Variants in ADGRL2 observed in about 807,000 individuals in gnomAD.
The protein encoded by ADGRL2 is adhesion G protein-coupled receptor L2.
A neutral mutation model predicts 157.4 loss-of-function variants in ADGRL2; 44 were observed. The observed-to-expected ratio is 0.28, with a 90% CI of 0.22 to 0.36. ADGRL2 has a LOEUF of 0.36. Among genes scored for constraint, ADGRL2 ranks in the 10% least tolerant of loss-of-function variants. The pLI is 1.00. For missense variants in ADGRL2, 1,510 were observed against 1,768.9 expected, an observed-to-expected ratio of 0.85 and a Z score of 2.63; for synonymous variants, 585 against 624.7, an observed-to-expected ratio of 0.94 and a Z score of 0.95.
intron 5 of ADGRL2, 63 bp downstream of exon 5, chr1:81,942,108 C>G: frequency 1.5e-6 from 1 of 663,436 alleles, no homozygotes; most frequent in South Asian, 1.8e-5. Context: ...TTAACCTCCT[C>G]CCTCCCCTCT....
intron 1 of ADGRL2, among the ~76,000 whole-genome samples, chr1:81,419,234 T>C (rs4650546): frequency 0.86 from 130,934 of 152,206 alleles, 56,790 homozygotes; most frequent in Admixed American, 0.92. Context: ...GACGGAGTCT[T>C]GCTCTGTCAC....
At chr1:81,721,950 T>C (rs1333678404) in intron 1 of ADGRL2, 4 of 635,804 alleles carry the variant, frequency 6.3e-6, no homozygotes, top group Non-Finnish European at 1.2e-5. Flanking sequence ...TGATAATGAA[T>C]GGGTGATTGA....
chr1:81,712,755 ATTTTT>A (rs60265943), intron 1 of ADGRL2, among the ~76,000 whole-genome samples: 1 of 100,244 alleles, frequency 1.0e-5, no homozygotes, highest in Non-Finnish European at 1.9e-5. Flanking sequence ...TGGATCGCGG[ATTTTT>A]TTTTTTTTTT....
intron 1 of ADGRL2, among the ~76,000 whole-genome samples, chr1:81,393,551 C>T (rs1570827845): frequency 6.6e-6 from 1 of 152,134 alleles, no homozygotes; most frequent in Non-Finnish European, 1.5e-5. Context: ...AACTTCCTCT[C>T]CCTTTTTAAT....
chr1:81,862,027 C>T (rs1286331859), intron 2 of ADGRL2, among the ~76,000 whole-genome samples: 2 of 151,816 alleles, frequency 1.3e-5, no homozygotes, highest in Non-Finnish European at 2.9e-5. Flanking sequence ...AGAATGCGGC[C>T]GAAGATACTT....
At position 81,432,381 on chromosome 1, in the gene ADGRL2, T is replaced by C. The variant is rs535421924; in HGVS notation, c.-301-12655T>C. Among the ~76,000 whole-genome samples the C allele has an allele frequency of 2.0e-5, 3 of 152,320 alleles. No homozygotes were observed. The East Asian group carries it at 5.8e-4, about 29-fold the overall frequency. On this transcript the variant is annotated intron_variant, in intron 1 of 24. Coordinates refer to the ADGRL2 transcript ENST00000370721. ...GATGTTTTCTTCTTGGAGTTGGATG[T>C]TGTCAAGGATTCAGATGAGCCACCC...
At chr1:81,853,584 A>C (rs1437224411) in intron 2 of ADGRL2, among the ~76,000 whole-genome samples, 1 of 152,174 alleles carries the variant, frequency 6.6e-6, no homozygotes, top group Non-Finnish European at 1.5e-5. Context: ...AATCTCTTTA[A>C]AAACTTTATG....
chr1:81,648,438 T>C (rs865889557), intron 3 of ADGRL2, among the ~76,000 whole-genome samples: 1 of 152,190 alleles, frequency 6.6e-6, no homozygotes, highest in Non-Finnish European at 1.5e-5. Flanking sequence ...CACCACTGAG[T>C]GCATTGACAT....
chr1:81,355,682 T>A (rs2100866123), intron 1 of ADGRL2, among the ~76,000 whole-genome samples: 2 of 152,262 alleles, frequency 1.3e-5, no homozygotes, highest in South Asian at 4.1e-4. Context: ...TGCAGAACCC[T>A]GCATGGGAAG....
intron 2 of ADGRL2, among the ~76,000 whole-genome samples, chr1:81,474,263 G>A (rs1056776845): frequency 1.3e-5 from 2 of 152,188 alleles, no homozygotes; most frequent in African/African-American, 4.8e-5. Flanking sequence ...GAATCATTAT[G>A]TTTATTGTCT....
chr1:81,425,189 T>G (rs1036027016), intron 1 of ADGRL2, among the ~76,000 whole-genome samples: 3 of 152,228 alleles, frequency 2.0e-5, no homozygotes, highest in Admixed American at 6.5e-5. Flanking sequence ...TCATTTATTT[T>G]AATCATTATT....
intron 2 of ADGRL2, among the ~76,000 whole-genome samples, chr1:81,526,729 T>C (rs1227927113): frequency 6.6e-6 from 1 of 152,248 alleles, no homozygotes. Flanking sequence ...TATGCCTACC[T>C]TGCTATTACC....
chr1:81,461,503 T>C (rs570029649), intron 2 of ADGRL2, among the ~76,000 whole-genome samples: 7 of 152,316 alleles, frequency 4.6e-5, no homozygotes, highest in African/African-American at 1.4e-4. Context: ...AACTTTTACA[T>C]AGTGTTAACT....
intron 2 of ADGRL2, among the ~76,000 whole-genome samples, chr1:81,790,507 T>A (rs2087283332): frequency 6.6e-6 from 1 of 152,240 alleles, no homozygotes. Flanking sequence ...AATTTATTGT[T>A]ATGTAAATTT....
At chr1:81,881,633 A>C (rs1040064265) in intron 2 of ADGRL2, among the ~76,000 whole-genome samples, 8 of 152,020 alleles carry the variant, frequency 5.3e-5, no homozygotes, top group African/African-American at 1.9e-4. Flanking sequence ...GTAAGCTGAG[A>C]TCTCCCTTCC....
chr1:81,638,820 T>C (rs1283816485), intron 3 of ADGRL2, among the ~76,000 whole-genome samples: 2 of 152,040 alleles, frequency 1.3e-5, no homozygotes, highest in African/African-American at 2.4e-5. Context: ...CCTGAGCACA[T>C]AGCGAAACTC....
chr1:81,949,316 G>A (rs924410071), intron 6 of ADGRL2, among the ~76,000 whole-genome samples: 4 of 152,158 alleles, frequency 2.6e-5, no homozygotes, highest in African/African-American at 9.7e-5. Flanking sequence ...GAAACATTGA[G>A]CTCCACTATT....
chr1:81,366,522 C>A (rs184241139), intron 1 of ADGRL2, among the ~76,000 whole-genome samples: 2 of 152,188 alleles, frequency 1.3e-5, no homozygotes, highest in Admixed American at 6.5e-5. Flanking sequence ...CTCTTGCTAT[C>A]TTTATGCTTT....
At chr1:81,765,809 G>A (rs2149325390) in intron 2 of ADGRL2, among the ~76,000 whole-genome samples, 1 of 152,088 alleles carries the variant, frequency 6.6e-6, no homozygotes, top group African/African-American at 2.4e-5. Context: ...AAGGACAAAA[G>A]CTCCACATTA....
Sources: allele counts gnomAD v4.1 joint callset (sites outside exome capture counted in the v4.1 genomes callset), GRCh38; gene constraint gnomAD v4.1.1; transcripts MANE v1.5; gene names NCBI Gene and HGNC (gene_info 2026-07-23, HGNC 2026-07-21).